Variants in SLC35F3 observed in about 807,000 individuals in gnomAD.
SLC35F3 encodes solute carrier family 35 member F3.
In SLC35F3, 25 loss-of-function variants were observed where a neutral mutation model predicts 49.9. That is an observed-to-expected ratio of 0.50 (90% CI 0.37 to 0.70). The LOEUF (loss-of-function observed/expected upper bound fraction) is 0.70. SLC35F3 is among the 30% of genes least tolerant of loss of function. The probability of loss-of-function intolerance (pLI) is 0.00; values close to 1 mark genes in which losing one functional copy is unlikely to be tolerated. For synonymous variants in SLC35F3, 275 were observed against 265.4 expected, an observed-to-expected ratio of 1.04 and a Z score of -0.35; for missense variants, 525 against 639.8, an observed-to-expected ratio of 0.82 and a Z score of 1.94.
At chr1:234,263,888 G>A (rs2102969680) in intron 3 of SLC35F3, among the ~76,000 whole-genome samples, 1 of 152,268 alleles carries the variant, frequency 6.6e-6, no homozygotes, top group African/African-American at 2.4e-5. Context: ...GCGGGCAGAT[G>A]ACCTGAGGTC....
At chr1:233,988,167 C>T (rs534779768) in intron 2 of SLC35F3, among the ~76,000 whole-genome samples, 1 of 152,266 alleles carries the variant, frequency 6.6e-6, no homozygotes, top group Admixed American at 6.5e-5. Flanking sequence ...AGCTTCATTT[C>T]AGGGTCACGG....
rs1200305207 is a variant in SLC35F3 at position 233,925,614 on chromosome 1, A to G, written c.283+19856A>G. 2.6e-5 allele frequency among the ~76,000 whole-genome samples: 4 copies of G among 152,200 alleles called. No homozygotes were observed. The East Asian group carries it at 7.7e-4, about 29-fold the overall frequency. On this transcript the variant is annotated intron_variant, in intron 2 of 7. Coordinates refer to ENST00000366618, the MANE Select transcript of SLC35F3 (RefSeq NM_173508.4). The stretch of plus-strand genomic sequence containing the variant: ...TTGCCAGTCTGTGTCTTTTAATTGG[A>G]GCATTTAGCCCATTTACATTCAAGG...
intron 5 of SLC35F3, 76 bp from the exon 6 acceptor site, chr1:234,318,675 T>A (rs1049054882): frequency 3.0e-6 from 4 of 1,317,902 alleles, no homozygotes; most frequent in Non-Finnish European, 2.1e-6. Context: ...CGTTGTGGAG[T>A]GAACTCTGCT....
At chr1:234,167,050 A>G (rs1161042695) in intron 2 of SLC35F3, among the ~76,000 whole-genome samples, 1 of 152,246 alleles carries the variant, frequency 6.6e-6, no homozygotes, top group Non-Finnish European at 1.5e-5. Context: ...TTTGCCCAGA[A>G]ATGGAGAACT....
chr1:234,299,300 CCAA>C (rs1668654916), intron 3 of SLC35F3, among the ~76,000 whole-genome samples: 1 of 152,156 alleles, frequency 6.6e-6, no homozygotes, highest in South Asian at 2.1e-4. Context: ...TTCAAACCCA[CCAA>C]CTGGGAGAAG....
At chr1:233,932,726 A>T (rs942707222) in intron 2 of SLC35F3, among the ~76,000 whole-genome samples, 2 of 152,174 alleles carry the variant, frequency 1.3e-5, no homozygotes, top group African/African-American at 4.8e-5. Context: ...TTTATACAGG[A>T]TGATGACCAC....
At chr1:234,311,272 GC>G (rs1339382216) in intron 4 of SLC35F3, among the ~76,000 whole-genome samples, 1 of 152,234 alleles carries the variant, frequency 6.6e-6, no homozygotes, top group Non-Finnish European at 1.5e-5. Context: ...ACTGCCATGT[GC>G]CAAAGGGACT....
chr1:234,156,055 A>T (rs1255062036), intron 2 of SLC35F3, among the ~76,000 whole-genome samples: 1 of 152,162 alleles, frequency 6.6e-6, no homozygotes, highest in Non-Finnish European at 1.5e-5. Context: ...AACATATACA[A>T]ATCAAAAGTT....
chr1:234,094,892 C>G (rs1397855379), intron 2 of SLC35F3, among the ~76,000 whole-genome samples: 1 of 152,146 alleles, frequency 6.6e-6, no homozygotes, highest in East Asian at 1.9e-4. Context: ...GACATGTGCA[C>G]ACATACACAT....
intron 4 of SLC35F3, among the ~76,000 whole-genome samples, chr1:234,310,119 T>A (rs1240496666): frequency 6.6e-6 from 1 of 152,192 alleles, no homozygotes; most frequent in African/African-American, 2.4e-5. Context: ...GACTTCTGAC[T>A]GGCTCCCTCT....
intron 2 of SLC35F3, among the ~76,000 whole-genome samples, chr1:234,059,254 T>C (rs1219573442): frequency 2.6e-5 from 4 of 151,992 alleles, no homozygotes; most frequent in African/African-American, 9.7e-5. Flanking sequence ...GGTAGAAGAT[T>C]AGGTTTCTGA....
intron 2 of SLC35F3, among the ~76,000 whole-genome samples, chr1:233,930,318 G>T (rs1256826064): frequency 6.6e-6 from 1 of 152,156 alleles, no homozygotes. Context: ...GAACAGAATT[G>T]TCTCTGCCAT....
At chr1:233,911,994 G>T (rs1252625555) in intron 2 of SLC35F3, among the ~76,000 whole-genome samples, 1 of 152,206 alleles carries the variant, frequency 6.6e-6, no homozygotes, top group East Asian at 1.9e-4. Context: ...ATTCAGGTTA[G>T]TTGCATTCAA....
intron 2 of SLC35F3, among the ~76,000 whole-genome samples, chr1:234,161,226 A>G (rs1189888375): frequency 6.6e-6 from 1 of 152,226 alleles, no homozygotes; most frequent in Non-Finnish European, 1.5e-5. Flanking sequence ...CTTATCTCAC[A>G]ATGGCCTTCC....
chr1:234,165,830 G>T (rs1666310738), intron 2 of SLC35F3, among the ~76,000 whole-genome samples: 1 of 152,184 alleles, frequency 6.6e-6, no homozygotes, highest in Non-Finnish European at 1.5e-5. Context: ...ATTGTACCCT[G>T]TGGGTAGTTT....
intron 2 of SLC35F3, among the ~76,000 whole-genome samples, chr1:234,159,444 G>A (rs1004672707): frequency 6.6e-5 from 10 of 152,070 alleles, no homozygotes; most frequent in African/African-American, 2.2e-4. Context: ...GGGCGTGGTG[G>A]CAGGTGCCTA....
At chr1:233,959,897 T>A (rs1662766385) in intron 2 of SLC35F3, among the ~76,000 whole-genome samples, 1 of 152,208 alleles carries the variant, frequency 6.6e-6, no homozygotes, top group African/African-American at 2.4e-5. Context: ...ACCTGGACAT[T>A]GAGACCTGGA....
At chr1:234,179,986 C>T (rs1666532629) in intron 2 of SLC35F3, among the ~76,000 whole-genome samples, 1 of 152,054 alleles carries the variant, frequency 6.6e-6, no homozygotes, top group Non-Finnish European at 1.5e-5. Flanking sequence ...AGGAAAATTT[C>T]AGCAGTTCAG....
intron 2 of SLC35F3, among the ~76,000 whole-genome samples, chr1:233,910,326 C>G (rs1225998515): frequency 6.6e-6 from 1 of 152,202 alleles, no homozygotes; most frequent in Non-Finnish European, 1.5e-5. Flanking sequence ...CCCCAGGCAT[C>G]TGATAGGGTG....
Sources: gnomAD v4.1 joint callset for allele counts (sites outside exome capture counted in the v4.1 genomes callset) on GRCh38, gnomAD v4.1.1 for gene constraint, MANE v1.5 for transcripts, NCBI Gene and HGNC (gene_info 2026-07-23, HGNC 2026-07-21) for gene names.